Variants in PRSS48 observed in about 807,000 individuals in gnomAD.
The protein encoded by PRSS48 is serine protease 48.
A neutral mutation model predicts 25.6 loss-of-function variants in PRSS48; 21 were observed. The observed-to-expected ratio is 0.82, with a 90% CI of 0.58 to 1.18. PRSS48 has a LOEUF of 1.18. Ranked by LOEUF, PRSS48 falls within the 50% of genes most tolerant of loss-of-function variation. PRSS48 has a pLI of 0.00. For synonymous variants in PRSS48, 150 were observed against 149.3 expected (o/e 1.00, Z -0.04); for missense variants, 373 against 399.3 (o/e 0.93, Z 0.56).
At chr4:151,284,100 A>C (rs1488989093) in intron 4 of PRSS48, among the ~76,000 whole-genome samples, 1 of 152,012 alleles carries the variant, frequency 6.6e-6, no homozygotes, top group African/African-American at 2.4e-5. Context: ...TGGTTTTTTA[A>C]ATCTATTCTT....
intron 2 of PRSS48, 49 bp from the exon 3 acceptor site, chr4:151,282,099 T>G: frequency 6.2e-7 from 1 of 1,601,392 alleles, no homozygotes. Flanking sequence ...GGCAGCCTGT[T>G]CTGACCCAGC....
At chr4:151,289,418 ACCATCAAC>A (rs1334975471) in intron 4 of PRSS48, among the ~76,000 whole-genome samples, 2 of 152,232 alleles carry the variant, frequency 1.3e-5, no homozygotes. Context: ...TTCAATGGAC[ACCATCAAC>A]AAAGTAAAAA....
intron 1 of PRSS48, among the ~76,000 whole-genome samples, chr4:151,279,370 A>T (rs978874895): frequency 5.9e-5 from 9 of 152,180 alleles, no homozygotes; most frequent in Non-Finnish European, 8.8e-5. Flanking sequence ...ATTTTAAGTT[A>T]AATGATATTC....
chr4:151,290,475 T>C (rs1775213588), intron 4 of PRSS48, among the ~76,000 whole-genome samples: 1 of 152,150 alleles, frequency 6.6e-6, no homozygotes, highest in Admixed American at 6.5e-5. Flanking sequence ...ATATGAAATG[T>C]CTAAAATAGG....
chr4:151,278,411 G>A (rs903532442), intron 1 of PRSS48, among the ~76,000 whole-genome samples: 1 of 127,524 alleles, frequency 7.8e-6, no homozygotes, highest in African/African-American at 2.6e-5. Context: ...GGGACTACAG[G>A]TGTGGTTGAA....
chr4:151,290,362 C>T (rs761036107), intron 4 of PRSS48, among the ~76,000 whole-genome samples: 9 of 152,072 alleles, frequency 5.9e-5, no homozygotes, highest in Non-Finnish European at 1.3e-4. Context: ...TTATTCAGCC[C>T]TAAAAGGAGT....
At chr4:151,282,682 T>A (rs1183483223) in intron 3 of PRSS48, among the ~76,000 whole-genome samples, 1 of 152,172 alleles carries the variant, frequency 6.6e-6, no homozygotes, top group Non-Finnish European at 1.5e-5. Flanking sequence ...CAAACAGAGG[T>A]TAATAAGACT....
chr4:151,290,286 G>T (rs1019657316), intron 4 of PRSS48, among the ~76,000 whole-genome samples: 1 of 152,148 alleles, frequency 6.6e-6, no homozygotes, highest in African/African-American at 2.4e-5. Context: ...AATAATGGAA[G>T]CAATCACAAT....
chr4:151,282,456 C>T (rs749322372), intron 3 of PRSS48, 43 bp downstream of exon 3: 2 of 1,601,122 alleles, frequency 1.2e-6, no homozygotes, highest in Admixed American at 3.4e-5. Flanking sequence ...ATGTCATCCT[C>T]TTGTACTCCA....
chr4:151,288,262 G>A (rs1775011468), intron 4 of PRSS48, among the ~76,000 whole-genome samples: 1 of 152,168 alleles, frequency 6.6e-6, no homozygotes, highest in Non-Finnish European at 1.5e-5. Flanking sequence ...CACTGTACTG[G>A]AGGTTCTAGC....
intron 4 of PRSS48, 131 bp from the exon 5 acceptor site, chr4:151,290,987 C>T (rs1775276382): frequency 3.1e-6 from 2 of 640,992 alleles, no homozygotes; most frequent in South Asian, 4.0e-5. Flanking sequence ...AGTGATTAGT[C>T]CAGCCCCCTG....
exon 3 of PRSS48, chr4:151,282,170 A>C (rs1370665959): frequency 6.2e-7 from 1 of 1,613,712 alleles, no homozygotes; most frequent in Non-Finnish European, 8.5e-7. Context: ...TTTTTCATAT[A>C]CTGTGTGGCT....
At chr4:151,281,168 G>T (rs1446526124) in intron 2 of PRSS48, among the ~76,000 whole-genome samples, 1 of 152,162 alleles carries the variant, frequency 6.6e-6, no homozygotes, top group Non-Finnish European at 1.5e-5. Context: ...CCAAAAAAAA[G>T]ATAGTATTGA....
At chr4:151,279,514 G>T (rs753026565) in intron 1 of PRSS48, among the ~76,000 whole-genome samples, 2 of 152,202 alleles carry the variant, frequency 1.3e-5, no homozygotes, top group Non-Finnish European at 2.9e-5. Flanking sequence ...TCTGTTCAGT[G>T]AATCTAGATA....
chr4:151,287,902 A>G (rs79791326), intron 4 of PRSS48, among the ~76,000 whole-genome samples: 325 of 152,302 alleles, frequency 2.1e-3, no homozygotes, highest in African/African-American at 7.4e-3. Context: ...TTCAAAAAAT[A>G]AAAAATAAAA....
intron 2 of PRSS48, 117 bp downstream of exon 2, chr4:151,280,075 C>A: frequency 8.2e-7 from 1 of 1,214,896 alleles, no homozygotes; most frequent in Non-Finnish European, 1.2e-6. Flanking sequence ...GAAGGAAACC[C>A]AGGTCATGTC....
intron 1 of PRSS48, among the ~76,000 whole-genome samples, chr4:151,279,570 G>A (rs371911880): frequency 6.6e-5 from 10 of 152,116 alleles, no homozygotes; most frequent in African/African-American, 2.4e-4. Context: ...TCTTCCTTAG[G>A]TTCTTGCTTA....
At position 151,278,708 on chromosome 4, in the gene PRSS48, G is replaced by A. The variant is rs189095267; in HGVS notation, c.53-1088G>A. Reference sequence around the variant, plus strand: ...TGCAGTGGCATGATCTAAACTCACCGCATCCTCCACCTCCCGGGCTCAAGC... The same window carrying A: ...TGCAGTGGCATGATCTAAACTCACCACATCCTCCACCTCCCGGGCTCAAGC... On this transcript the variant is annotated intron_variant, in intron 1 of 4. Coordinates refer to ENST00000455694, the Ensembl canonical transcript of PRSS48. Among the ~76,000 whole-genome samples, 883 of 151,702 alleles carry A rather than the reference G, an allele frequency of 5.8e-3. 7 individuals carry two copies. The highest frequency in any genetic ancestry group is 0.019 in the African/African-American group (778 of 41,330).
intron 3 of PRSS48, 34 bp downstream of exon 3, chr4:151,282,447 T>C (rs1774343587): frequency 1.2e-6 from 2 of 1,608,772 alleles, no homozygotes; most frequent in East Asian, 4.5e-5. Context: ...TTGTTTCATA[T>C]GTCATCCTCT....
Sources: allele counts gnomAD v4.1 joint callset (sites outside exome capture counted in the v4.1 genomes callset), GRCh38; gene constraint gnomAD v4.1.1; transcripts MANE v1.5; gene names NCBI Gene and HGNC (gene_info 2026-07-23, HGNC 2026-07-21).